Variants in ROBO2 observed in about 807,000 individuals in gnomAD.
The protein encoded by ROBO2 is roundabout homolog 2.
A neutral mutation model predicts 160.8 loss-of-function variants in ROBO2; 53 were observed. That is an observed-to-expected ratio of 0.33 (90% confidence interval 0.26 to 0.41). The LOEUF (loss-of-function observed/expected upper bound fraction) is 0.41, where lower values mean the gene tolerates loss of function less well. Among genes scored for constraint, ROBO2 ranks in the 10% least tolerant of loss-of-function variants. The probability of loss-of-function intolerance (pLI) is 1.00; values close to 1 mark genes in which losing one functional copy is unlikely to be tolerated. For missense variants in ROBO2, 1,577 were observed against 1,722.4 expected (o/e 0.92, Z 1.49); for synonymous variants, 664 against 611.7 (o/e 1.09, Z -1.26).
intron 1 of ROBO2, among the ~76,000 whole-genome samples, chr3:77,073,687 C>T (rs1395206645): frequency 1.3e-5 from 2 of 152,198 alleles, no homozygotes; most frequent in African/African-American, 4.8e-5. Context: ...TGTGATCCAT[C>T]TTCTCTTCTT....
chr3:77,513,298 C>T (rs1254297913), intron 5 of ROBO2, among the ~76,000 whole-genome samples: 2 of 151,732 alleles, frequency 1.3e-5, no homozygotes, highest in African/African-American at 4.8e-5. Flanking sequence ...AGTTCCTACC[C>T]TTGAGGCTTA....
intron 2 of ROBO2, among the ~76,000 whole-genome samples, chr3:76,701,565 G>A (rs1401438679): frequency 6.6e-6 from 1 of 151,938 alleles, no homozygotes; most frequent in Non-Finnish European, 1.5e-5. Context: ...TTCAAGGCTT[G>A]CTCTTGAAAA....
chr3:76,213,290 G>GA (rs1355354509), intron 2 of ROBO2, among the ~76,000 whole-genome samples: 5 of 151,742 alleles, frequency 3.3e-5, no homozygotes, highest in African/African-American at 1.2e-4. Flanking sequence ...GAGAAGAAAG[G>GA]AAAAAATATA....
At chr3:76,300,098 T>A (rs1709281375) in intron 2 of ROBO2, among the ~76,000 whole-genome samples, 1 of 152,118 alleles carries the variant, frequency 6.6e-6, no homozygotes, top group African/African-American at 2.4e-5. Flanking sequence ...ATTCTTAGTT[T>A]AGGATTACAC....
At chr3:77,280,683 G>A (rs2060186665) in intron 2 of ROBO2, among the ~76,000 whole-genome samples, 1 of 152,182 alleles carries the variant, frequency 6.6e-6, no homozygotes, top group Non-Finnish European at 1.5e-5. Context: ...ATGACTTGAT[G>A]TATTTTAGGT....
chr3:76,099,273 A>G (rs2069583541), intron 2 of ROBO2, among the ~76,000 whole-genome samples: 1 of 152,106 alleles, frequency 6.6e-6, no homozygotes, highest in East Asian at 1.9e-4. Context: ...GTTGGCTATG[A>G]ATCATAAATG....
chr3:77,220,359 C>A (rs977174606), intron 2 of ROBO2, among the ~76,000 whole-genome samples: 4 of 151,982 alleles, frequency 2.6e-5, no homozygotes, highest in African/African-American at 9.7e-5. Context: ...CTTCTCCATA[C>A]ATAAAAATTA....
chr3:77,617,801 C>G (rs1410935351), intron 22 of ROBO2, 28 bp downstream of exon 23: 1 of 1,609,156 alleles, frequency 6.2e-7, no homozygotes, highest in African/African-American at 1.3e-5. Flanking sequence ...GTCAAGAGAC[C>G]CATGCTTTCA....
At chr3:77,637,841 T>A (rs2095289572) in intron 24 of ROBO2, among the ~76,000 whole-genome samples, 1 of 152,172 alleles carries the variant, frequency 6.6e-6, no homozygotes, top group Non-Finnish European at 1.5e-5. Context: ...TATTGCAAGC[T>A]TTTTTAGAAT....
At chr3:77,103,352 G>A (rs1010310365) in intron 2 of ROBO2, among the ~76,000 whole-genome samples, 5 of 151,874 alleles carry the variant, frequency 3.3e-5, no homozygotes, top group African/African-American at 1.2e-4. Context: ...GGTGCTGAAC[G>A]CTTTAGTGGC....
At chr3:77,270,939 T>C (rs1226332671) in intron 2 of ROBO2, among the ~76,000 whole-genome samples, 1 of 79,052 alleles carries the variant, frequency 1.3e-5, no homozygotes, top group Non-Finnish European at 2.5e-5. Context: ...CAATACTCTG[T>C]CTTTTTAAAA....
At chr3:77,578,337 T>G (rs2093823140) in intron 15 of ROBO2, among the ~76,000 whole-genome samples, 1 of 152,128 alleles carries the variant, frequency 6.6e-6, no homozygotes, top group Non-Finnish European at 1.5e-5. Flanking sequence ...TTAATCTTTG[T>G]AAAATTCAAA....
intron 2 of ROBO2, among the ~76,000 whole-genome samples, chr3:77,398,463 A>G (rs2075489825): frequency 6.6e-6 from 1 of 150,878 alleles, no homozygotes; most frequent in Non-Finnish European, 1.5e-5. Flanking sequence ...TTCTCATTGT[A>G]TATTTTGTGC....
intron 2 of ROBO2, among the ~76,000 whole-genome samples, chr3:77,229,681 G>A (rs1317283965): frequency 6.6e-6 from 1 of 150,580 alleles, no homozygotes; most frequent in Non-Finnish European, 1.5e-5. Flanking sequence ...AAAAAAAAGA[G>A]AGAGAATGGA....
At chr3:76,250,398 CCT>C (rs1159308596) in intron 2 of ROBO2, among the ~76,000 whole-genome samples, 76 of 152,136 alleles carry the variant, frequency 5.0e-4, no homozygotes, top group African/African-American at 1.8e-3. Context: ...CAACGACATT[CCT>C]TTTCATTAGA....
At chr3:76,657,709 T>TGTGTATATATATTCATATATGA in intron 2 of ROBO2, among the ~76,000 whole-genome samples, 1 of 117,772 alleles carries the variant, frequency 8.5e-6, no homozygotes, top group Admixed American at 9.0e-5. Flanking sequence ...TTCATATATG[T>TGTGTATATATATTCATATATGA]GTGTATATAT....
At chr3:76,597,313 G>A (rs761569793) in intron 2 of ROBO2, among the ~76,000 whole-genome samples, 1 of 152,024 alleles carries the variant, frequency 6.6e-6, no homozygotes, top group Non-Finnish European at 1.5e-5. Context: ...TGAAGAGGAT[G>A]AAAAGAAAAG....
chr3:77,245,333 T>C (rs2089599775), intron 2 of ROBO2, among the ~76,000 whole-genome samples: 1 of 152,194 alleles, frequency 6.6e-6, no homozygotes, highest in South Asian at 2.1e-4. Context: ...TCATCTGTTC[T>C]AAAGGCCTTG....
At chr3:76,822,686 A>G (rs973454956) in intron 2 of ROBO2, among the ~76,000 whole-genome samples, 2 of 151,728 alleles carry the variant, frequency 1.3e-5, no homozygotes, top group African/African-American at 2.4e-5. Flanking sequence ...GAACAGGACC[A>G]TGTGTTATGC....
Sources: allele counts gnomAD v4.1 joint callset (sites outside exome capture counted in the v4.1 genomes callset), GRCh38; gene constraint gnomAD v4.1.1; transcripts MANE v1.5; gene names NCBI Gene and HGNC (gene_info 2026-07-23, HGNC 2026-07-21).